The following RABGEF1 variants were observed in gnomAD, a reference collection of about 807,000 sequenced individuals.
RABGEF1 encodes the protein RAB guanine nucleotide exchange factor 1.
In RABGEF1, 26 loss-of-function variants were observed where a neutral mutation model predicts 57.3. The ratio of observed to expected loss-of-function variants is 0.45; its 90% CI spans 0.33 to 0.63. RABGEF1 has a LOEUF of 0.63. Ranked by LOEUF, RABGEF1 falls within the 20% of genes least tolerant of loss-of-function variation. RABGEF1 has a pLI of 0.02. For missense variants in RABGEF1, 464 were observed against 607.6 expected, an observed-to-expected ratio of 0.76 and a Z score of 2.48; for synonymous variants, 185 against 210.7, an observed-to-expected ratio of 0.88 and a Z score of 1.06.
intron 1 of RABGEF1, among the ~76,000 whole-genome samples, chr7:66,702,724 T>G (rs1412368321): frequency 6.6e-6 from 1 of 152,222 alleles, no homozygotes; most frequent in Non-Finnish European, 1.5e-5. Context: ...CACTAATGAT[T>G]AATGATGTTG....
At chr7:66,804,416 C>T (rs1787973053) in intron 7 of RABGEF1, among the ~76,000 whole-genome samples, 1 of 152,112 alleles carries the variant, frequency 6.6e-6, no homozygotes, top group South Asian at 2.1e-4. Context: ...CCATGGAGCT[C>T]AGAGGCAGCT....
At chr7:66,667,115 G>C in the RABGEF1 span, among the ~76,000 whole-genome samples, 2 of 152,210 alleles carry the variant, frequency 1.3e-5, no homozygotes, top group African/African-American at 4.8e-5. Context: ...CCCAGCCCAG[G>C]GAGGGTGGAG....
intron 6 of RABGEF1, among the ~76,000 whole-genome samples, chr7:66,798,385 T>C (rs1186630652): frequency 6.6e-6 from 1 of 152,132 alleles, no homozygotes; most frequent in Admixed American, 6.5e-5. Flanking sequence ...AGTCCCAGGT[T>C]CCAGACAAGG....
intron 1 of RABGEF1, among the ~76,000 whole-genome samples, chr7:66,741,588 T>G (rs1798960104): frequency 6.6e-6 from 1 of 152,156 alleles, no homozygotes; most frequent in Admixed American, 6.5e-5. Flanking sequence ...GTTTTGCCTT[T>G]GAGATTAGGT....
intron 1 of RABGEF1, among the ~76,000 whole-genome samples, chr7:66,690,007 A>C (rs769911643): frequency 1.3e-5 from 2 of 152,122 alleles, no homozygotes; most frequent in Non-Finnish European, 2.9e-5. Flanking sequence ...AACTCATTCT[A>C]TGAGGCCAGC....
intron 4 of RABGEF1, among the ~76,000 whole-genome samples, chr7:66,791,730 A>G (rs1812706620): frequency 6.6e-6 from 1 of 152,230 alleles, no homozygotes; most frequent in Non-Finnish European, 1.5e-5. Context: ...TCTCAGCATA[A>G]TGTTCAAAGA....
intron 1 of RABGEF1, among the ~76,000 whole-genome samples, chr7:66,691,286 A>T (rs1441971074): frequency 2.0e-5 from 3 of 152,144 alleles, no homozygotes; most frequent in African/African-American, 7.2e-5. Flanking sequence ...TACTCAAGAG[A>T]AATTAAAAAT....
chr7:66,737,837 C>A (rs1421205125), upstream of RABGEF1, among the ~76,000 whole-genome samples: 1 of 152,154 alleles, frequency 6.6e-6, no homozygotes, highest in Non-Finnish European at 1.5e-5. Context: ...CAGCCTGCTA[C>A]TGCTAAACAG....
chr7:66,659,789 A>G, the RABGEF1 span, among the ~76,000 whole-genome samples: 1 of 151,932 alleles, frequency 6.6e-6, no homozygotes, highest in Admixed American at 6.6e-5. Flanking sequence ...AAAAAAAATA[A>G]ATAAATAAAA....
intron 1 of RABGEF1, among the ~76,000 whole-genome samples, chr7:66,692,283 C>T (rs1791636478): frequency 3.3e-5 from 5 of 152,146 alleles, no homozygotes; most frequent in Admixed American, 2.6e-4. Flanking sequence ...TGCTCATTAG[C>T]GGACCCTTTC....
chr7:66,764,774 C>T (rs1346434469), intron 1 of RABGEF1, among the ~76,000 whole-genome samples: 5 of 152,122 alleles, frequency 3.3e-5, no homozygotes, highest in Non-Finnish European at 4.4e-5. Flanking sequence ...TGACAGAAGA[C>T]GTATGGGTTT....
intron 2 of RABGEF1, among the ~76,000 whole-genome samples, chr7:66,730,399 A>G (rs1797168533): frequency 6.6e-6 from 1 of 152,056 alleles, no homozygotes; most frequent in South Asian, 2.1e-4. Context: ...GTAGGTTATT[A>G]TTATTATTTT....
intron 1 of RABGEF1, among the ~76,000 whole-genome samples, chr7:66,767,326 A>G (rs771437501): frequency 6.6e-6 from 1 of 151,750 alleles, no homozygotes; most frequent in Non-Finnish European, 1.5e-5. Context: ...TGTTTAAATC[A>G]TAGAGTAAAA....
At chr7:66,802,853 C>T (rs373626988) in intron 7 of RABGEF1, among the ~76,000 whole-genome samples, 1 of 152,064 alleles carries the variant, frequency 6.6e-6, no homozygotes, top group Non-Finnish European at 1.5e-5. Context: ...ACTTTTTACT[C>T]GCTTTCAAAA....
chr7:66,803,055 G>C lies in RABGEF1; in HGVS notation c.821-2085G>C. On this transcript the variant is annotated intron_variant, in intron 7 of 8. Transcript: ENST00000284957. ...CTTACCCAATTCTTATTTAGAATAA[G>C]TTCCATATAAGTAGAAAAAGAAAAA... is the stretch of plus-strand genomic sequence containing the variant. Among the ~76,000 whole-genome samples the C allele has an allele frequency of 2.0e-5, 3 of 152,286 alleles. No homozygotes were observed. The East Asian group carries it at 5.8e-4, about 29-fold the overall frequency.
At chr7:66,761,575 C>T (rs1185040234) in intron 1 of RABGEF1, among the ~76,000 whole-genome samples, 1 of 152,122 alleles carries the variant, frequency 6.6e-6, no homozygotes, top group Non-Finnish European at 1.5e-5. Context: ...CTTCCTGGGC[C>T]CAGTTCTCTT....
chr7:66,743,449 C>T (rs1227311746), intron 1 of RABGEF1, among the ~76,000 whole-genome samples: 2 of 152,052 alleles, frequency 1.3e-5, no homozygotes, highest in Admixed American at 6.6e-5. Flanking sequence ...CTCAGCCTCC[C>T]AAGTAACTGG....
chr7:66,753,210 A>C (rs1801833342), intron 1 of RABGEF1, among the ~76,000 whole-genome samples: 1 of 152,146 alleles, frequency 6.6e-6, no homozygotes, highest in Non-Finnish European at 1.5e-5. Context: ...AAATAGGATG[A>C]CCATGTAACT....
chr7:66,655,125 C>T, the RABGEF1 span, among the ~76,000 whole-genome samples: 1 of 152,218 alleles, frequency 6.6e-6, no homozygotes, highest in Admixed American at 6.5e-5. Context: ...CTTGATCCCC[C>T]GTCGCCCTGG....
Sources: allele counts gnomAD v4.1 joint callset (sites outside exome capture counted in the v4.1 genomes callset), GRCh38; gene constraint gnomAD v4.1.1; transcripts MANE v1.5; gene names NCBI Gene and HGNC (gene_info 2026-07-23, HGNC 2026-07-21).